The following COA6 variants were observed in gnomAD, a reference collection of about 807,000 sequenced individuals.
The protein encoded by COA6 is cytochrome c oxidase assembly factor 6 homolog.
COA6 carries 12 observed loss-of-function variants against 17.1 expected under a neutral mutation model. That is an observed-to-expected ratio of 0.70 (90% CI 0.45 to 1.14). The LOEUF (loss-of-function observed/expected upper bound fraction) is 1.14. Ranked by LOEUF, COA6 falls within the 50% of genes most tolerant of loss-of-function variation. COA6 has a pLI of 0.00. For synonymous variants in COA6, 90 were observed against 73.4 expected (o/e 1.23, Z -1.16); for missense variants, 246 against 196.5 (o/e 1.25, Z -1.51).
At chr1:234,377,133 T>TTTTTTGTTGTTGTTGTTGTTGTTG (rs60899682) in intron 2 of COA6, among the ~76,000 whole-genome samples, 1 of 69,546 alleles carries the variant, frequency 1.4e-5, no homozygotes, top group African/African-American at 9.2e-5. Context: ...TTTTGTTTTT[T>TTTTTTGTTGTTGTTGTTGTTGTTG]TTGTTGTTGT....
intron 2 of COA6, among the ~76,000 whole-genome samples, chr1:234,379,428 G>A (rs530023770): frequency 6.6e-6 from 1 of 152,272 alleles, no homozygotes; most frequent in East Asian, 1.9e-4. Context: ...GATCCTGGGA[G>A]TAAGGTAGGT....
intron 2 of COA6, among the ~76,000 whole-genome samples, chr1:234,376,927 C>T (rs1049954114): frequency 2.0e-5 from 3 of 152,078 alleles, no homozygotes; most frequent in African/African-American, 7.2e-5. Flanking sequence ...GCTGTCATAA[C>T]AAAATACCTT....
At chr1:234,374,473 C>A in intron 2 of COA6, 84 bp downstream of exon 2, 1 of 1,363,102 alleles carries the variant, frequency 7.3e-7, no homozygotes, top group South Asian at 1.3e-5. Flanking sequence ...ATGAAGCGCT[C>A]TCTGAGGCAT....
chr1:234,379,897 C>T (rs61824514), intron 2 of COA6, among the ~76,000 whole-genome samples: 2,278 of 152,172 alleles, frequency 0.015, 28 homozygotes, highest in Non-Finnish European at 0.024. Context: ...TGACAAGTGG[C>T]GATTATGGGG....
At chr1:234,382,391 A>G (rs1319962905) in intron 2 of COA6, among the ~76,000 whole-genome samples, 1 of 152,202 alleles carries the variant, frequency 6.6e-6, no homozygotes, top group African/African-American at 2.4e-5. Flanking sequence ...TTCAAACAGC[A>G]AATTTCTGGT....
chr1:234,384,055 G>A lies in COA6; in HGVS notation c.*237G>A. 2.9e-6 allele frequency: 1 copy of A among 339,226 alleles called. No individual in the cohort carries two copies. Among genetic ancestry groups the A allele is most frequent in the Non-Finnish European group, 5.4e-6 (1 of 183,642 alleles). The allele number at this position is 339,226 out of a possible 1,614,324, so 21.0% of individuals were successfully genotyped here. A position where few individuals can be genotyped will look rare whatever the true frequency, so the allele number is the denominator to read the frequency against. ...ACCTGTTATAAACACATGCACTTTTGTTTTGTTTTTGTTTTGTTTTTAATT... is the reference window on the plus strand; with the variant it reads ...ACCTGTTATAAACACATGCACTTTTATTTTGTTTTTGTTTTGTTTTTAATT... On this transcript the variant is annotated 3_prime_UTR_variant, in exon 3 of 3. Coordinates refer to ENST00000366615, the MANE Select transcript of COA6 (RefSeq NM_001206641.3).
rs58896934 is a variant in COA6 at position 234,383,706 on chromosome 1, CT to C, written c.373-8del. On this transcript the variant is annotated splice_polypyrimidine_tract_variant and intron_variant, in intron 2 of 2. Coordinates refer to ENST00000366615, the MANE Select transcript of COA6 (RefSeq NM_001206641.3). ...GCATAACTTGCCCTTATTTCAAATCCTTTTTTTTTCCAACAGATAAAATATT... is the reference window on the plus strand; with the variant it reads ...GCATAACTTGCCCTTATTTCAAATCCTTTTTTTTCCAACAGATAAAATATT... The C allele has an allele frequency of 8.7e-5, 92 of 1,052,126 alleles. No homozygotes were observed. Among genetic ancestry groups the C allele is most frequent in the South Asian group, 3.2e-4 (23 of 72,434 alleles). The allele number at this position is 1,052,126 out of a possible 1,614,324, so 65.2% of individuals were successfully genotyped here. A position where few individuals can be genotyped will look rare whatever the true frequency, so the allele number is the denominator to read the frequency against.
At chr1:234,379,357 G>T (rs1012491661) in intron 2 of COA6, among the ~76,000 whole-genome samples, 1 of 152,090 alleles carries the variant, frequency 6.6e-6, no homozygotes, top group Non-Finnish European at 1.5e-5. Context: ...TGGAGAATGG[G>T]ATTCTCACAA....
chr1:234,382,896 A>G (rs996059546), intron 2 of COA6, among the ~76,000 whole-genome samples: 5 of 152,094 alleles, frequency 3.3e-5, no homozygotes, highest in African/African-American at 1.2e-4. Flanking sequence ...AATTGCAGCT[A>G]CTTGGGAGGC....
intron 1 of COA6, 132 bp downstream of exon 1, chr1:234,373,810 G>A: frequency 6.2e-7 from 1 of 1,613,656 alleles, no homozygotes. Flanking sequence ...GGTGATTGTG[G>A]CCCCCACACA....
chr1:234,382,041 T>A (rs1482547843), intron 2 of COA6, among the ~76,000 whole-genome samples: 1 of 152,228 alleles, frequency 6.6e-6, no homozygotes, highest in Non-Finnish European at 1.5e-5. Context: ...TTGTGAATGC[T>A]TATAACCAGG....
chr1:234,375,294 G>A (rs1272292923), intron 2 of COA6, among the ~76,000 whole-genome samples: 3 of 152,180 alleles, frequency 2.0e-5, no homozygotes, highest in Non-Finnish European at 4.4e-5. Flanking sequence ...GCCACAGAGC[G>A]AGACGTTGTT....
chr1:234,373,473 GC>G lies in COA6; in HGVS notation c.8del (p.Ala3ValfsTer13), dbSNP rs1382382055. On this transcript the variant is annotated frameshift_variant, in exon 1 of 3. Transcript: ENST00000366615. LOFTEE classifies it high-confidence loss of function. Reference protein sequence around the residue: MVARKGQKSPRFR... With the variant: MVXRKGQKSPRFR... ...GCCCCTCTATGGAAAGTAAATGGTA[GC>G]TCGGAAGGGTCAAAAGAGTCCGCGG... The G allele has an allele frequency of 6.5e-7, 1 of 1,534,118 alleles. No homozygotes were observed.
At chr1:234,377,981 G>A (rs575738967) in intron 2 of COA6, among the ~76,000 whole-genome samples, 35 of 152,358 alleles carry the variant, frequency 2.3e-4, no homozygotes, top group Non-Finnish European at 4.4e-4. Flanking sequence ...CTGCCAGGGG[G>A]TGAAGGAGAG....
At chr1:234,377,553 G>A (rs914301241) in intron 2 of COA6, among the ~76,000 whole-genome samples, 1 of 152,186 alleles carries the variant, frequency 6.6e-6, no homozygotes, top group Non-Finnish European at 1.5e-5. Flanking sequence ...CTTAGGACCC[G>A]GGACCTGCGT....
intron 2 of COA6, among the ~76,000 whole-genome samples, chr1:234,379,145 G>A (rs1270232040): frequency 6.6e-6 from 1 of 151,616 alleles, no homozygotes; most frequent in Non-Finnish European, 1.5e-5. Flanking sequence ...CTCCCAAAGA[G>A]CTGGGATTAT....
At chr1:234,377,059 C>CACCCAACAGAGAGAGAGAGA (rs141978217) in intron 2 of COA6, among the ~76,000 whole-genome samples, 1 of 82,640 alleles carries the variant, frequency 1.2e-5, no homozygotes, top group African/African-American at 6.0e-5. Context: ...GCTGTGTTGC[C>CACCCAACAGAGAGAGAGAGA]GAGAGAGAGA....
chr1:234,377,276 G>A (rs762241843), intron 2 of COA6, among the ~76,000 whole-genome samples: 6 of 151,754 alleles, frequency 4.0e-5, no homozygotes, highest in East Asian at 1.9e-4. Flanking sequence ...ACAAGCGCCC[G>A]CCACCACACC....
chr1:234,379,462 GT>G, intron 2 of COA6, among the ~76,000 whole-genome samples: 1 of 152,266 alleles, frequency 6.6e-6, no homozygotes, highest in East Asian at 1.9e-4. Flanking sequence ...CATTGAAGAG[GT>G]CAAGGAACAG....
Sources: gnomAD v4.1 joint callset for allele counts (sites outside exome capture counted in the v4.1 genomes callset) on GRCh38, gnomAD v4.1.1 for gene constraint, MANE v1.5 for transcripts, NCBI Gene and HGNC (gene_info 2026-07-23, HGNC 2026-07-21) for gene names.